The following KCNK16 variants were observed in gnomAD, a reference collection of about 807,000 sequenced individuals.
KCNK16 encodes the protein potassium channel subfamily K member 16.
In KCNK16, 23 loss-of-function variants were observed where a neutral mutation model predicts 23.0. That is an observed-to-expected ratio of 1.00 (90% CI 0.72 to 1.41). The LOEUF (loss-of-function observed/expected upper bound fraction) is 1.41, where lower values mean the gene tolerates loss of function less well. Ranked by LOEUF, KCNK16 falls within the 40% of genes most tolerant of loss-of-function variation. The pLI is 0.00. For synonymous variants in KCNK16, 145 were observed against 153.5 expected (o/e 0.94, Z 0.41); for missense variants, 327 against 365.8 (o/e 0.89, Z 0.87).
downstream of KCNK16, chr6:39,315,024 G>C (rs866810861): frequency 2.5e-5 from 40 of 1,607,770 alleles, no homozygotes; most frequent in Non-Finnish European, 3.4e-5. Context: ...TCCTTTCTTG[G>C]ATATGGGGAA....
chr6:39,321,270 C>T (rs1762507013), intron 1 of KCNK16, among the ~76,000 whole-genome samples: 1 of 152,190 alleles, frequency 6.6e-6, no homozygotes, highest in African/African-American at 2.4e-5. Flanking sequence ...TTGCATCCTG[C>T]CCCCAGCACT....
chr6:39,318,538 A>T (rs1434160849), intron 2 of KCNK16, among the ~76,000 whole-genome samples: 1 of 152,148 alleles, frequency 6.6e-6, no homozygotes, highest in African/African-American at 2.4e-5. Context: ...AACACATGAG[A>T]TACCACCTGA....
chr6:39,318,094 G>T, intron 2 of KCNK16, 142 bp from the exon 3 acceptor site: 1 of 767,366 alleles, frequency 1.3e-6, no homozygotes, highest in Non-Finnish European at 1.9e-6. Flanking sequence ...GAACTCTGCT[G>T]GAATGATTTT....
rs1562088506 is a variant in KCNK16 at position 39,316,787 on chromosome 6, A to T, written c.656T>A (p.Val219Asp). 1.2e-6 allele frequency: 2 copies of T among 1,613,730 alleles called. No homozygotes were observed. The highest frequency in any genetic ancestry group is 1.7e-6 in the Non-Finnish European group (2 of 1,179,894). ...TLSTIGFGDY[V>D]VGTDPSKHYI... ...TGTGACTGTTTTGTTCTCACCAACA[A>T]CATAGTCCCCAAAGCCAATGGTGCT... is the stretch of plus-strand genomic sequence containing the variant. The change falls in exon 4 of 5, where the codon GTT becomes GAT. Residue 219 changes from valine to aspartate, a missense_variant. By Grantham distance (152) the Val-to-Asp change is radical. Transcript: ENST00000437525.
rs750625612 is a variant in KCNK16, at chr6:39,322,397, C to A, written c.144G>T (p.Gln48His). 6.2e-6 allele frequency: 10 copies of A among 1,613,922 alleles called. No homozygotes were observed. Among genetic ancestry groups the A allele is most frequent in the Non-Finnish European group, 3.4e-6 (4 of 1,179,998 alleles). The stretch of plus-strand genomic sequence containing the variant: ...TCTCCAGGAAGCGCAGCTTCTCCAA[C>A]TGAAACTGGTCCCTGGACTGAGCCT... ...QAEAQSRDQF[Q>H]LEKLRFLENY... is the part of the protein sequence containing the mutation. Residue 48 changes from glutamine to histidine, a missense_variant, in exon 1 of 5, where the codon CAG becomes CAT. By Grantham distance (24) the Gln-to-His change is conservative. Coordinates refer to ENST00000437525, the MANE Select transcript of KCNK16 (RefSeq NM_001135106.2).
intron 1 of KCNK16, among the ~76,000 whole-genome samples, chr6:39,320,489 T>G (rs182581013): frequency 1.7e-4 from 26 of 152,308 alleles, no homozygotes; most frequent in Non-Finnish European, 2.9e-4. Flanking sequence ...AAGCAGTGTT[T>G]CGTCACAGAG....
At chr6:39,316,719 C>T in intron 4 of KCNK16, 63 bp downstream of exon 4, 1 of 1,558,330 alleles carries the variant, frequency 6.4e-7, no homozygotes, top group East Asian at 2.3e-5. Context: ...GCTGACATCT[C>T]TCCATCCCCC....
At chr6:39,317,330 T>G (rs1762355288) in intron 3 of KCNK16, among the ~76,000 whole-genome samples, 1 of 152,216 alleles carries the variant, frequency 6.6e-6, no homozygotes, top group Non-Finnish European at 1.5e-5. Context: ...CCTGCAGAGC[T>G]TGTTTGCTAC....
chr6:39,322,170 A>T (rs571547892), intron 1 of KCNK16, among the ~76,000 whole-genome samples, 158 bp downstream of exon 1: 1 of 152,290 alleles, frequency 6.6e-6, no homozygotes, highest in Non-Finnish European at 1.5e-5. Flanking sequence ...TGGGGCCAGA[A>T]TCCAGGATTA....
intron 4 of KCNK16, 68 bp from the exon 5 acceptor site, chr6:39,316,510 G>C (rs1240225796): frequency 6.6e-7 from 1 of 1,505,210 alleles, no homozygotes; most frequent in East Asian, 2.3e-5. Flanking sequence ...TTTCCATAGG[G>C]ACCCTCACCA....
intron 2 of KCNK16, among the ~76,000 whole-genome samples, chr6:39,318,318 T>C (rs998495238): frequency 2.6e-5 from 4 of 152,332 alleles, no homozygotes; most frequent in Non-Finnish European, 5.9e-5. Context: ...CCTTGCAGGC[T>C]GAGCCTGGGT....
chr6:39,318,932 C>T (rs780727778), intron 2 of KCNK16, 87 bp downstream of exon 2: 22 of 907,686 alleles, frequency 2.4e-5, no homozygotes, highest in Non-Finnish European at 4.0e-5. Context: ...CCTAGACAAA[C>T]CACATCCTTG....
At position 39,316,365 on chromosome 6, in the gene KCNK16, G is replaced by C; in HGVS notation, c.739C>G (p.Leu247Val). 6.2e-7 allele frequency: 1 copy of C among 1,612,776 alleles called. No homozygotes were observed. Among genetic ancestry groups the C allele is most frequent in the Non-Finnish European group, 8.5e-7 (1 of 1,179,642 alleles). ...GGGCCCAGTGGGAGGATCAGCGCCA[G>C]CCACGCCAGGCCCAGGAGGATCCAG... ...AIWILLGLAWLALILPLGPLL... is the reference protein window; with the variant it reads ...AIWILLGLAWVALILPLGPLL... Residue 247 changes from leucine to valine, a missense_variant, in exon 5 of 5, where the codon CTG becomes GTG. Coordinates refer to ENST00000437525, the MANE Select transcript of KCNK16 (RefSeq NM_001135106.2).
At chr6:39,315,043 G>A (rs767582088), downstream of KCNK16, 8 of 1,613,604 alleles carry the variant, frequency 5.0e-6, no homozygotes, top group East Asian at 6.7e-5. Context: ...AAGTCCTGGG[G>A]TGTGACTTGG....
rs1457806449 is a variant in KCNK16 at position 39,316,833 on chromosome 6, A to AG, written c.609dup (p.Tyr204LeufsTer66). The AG allele has an allele frequency of 1.9e-6, 3 of 1,614,048 alleles. No individual in the cohort carries two copies. Among genetic ancestry groups the AG allele is most frequent in the Non-Finnish European group, 2.5e-6 (3 of 1,180,022 alleles). ...GTGCTGAGAGTGATGAAAGCAAAGT[A>AG]GAAGCCCTCGCTGAAGCTCCAGCCC... On this transcript the variant is annotated frameshift_variant, in exon 4 of 5. Coordinates refer to ENST00000437525, the MANE Select transcript of KCNK16 (RefSeq NM_001135106.2). LOFTEE classifies it high-confidence loss of function.
At position 39,319,744 on chromosome 6, in the gene KCNK16, TGA is replaced by T. The variant is rs1320060691; in HGVS notation, c.214-613_214-612del. Among the ~76,000 whole-genome samples the T allele has an allele frequency of 8.2e-6, 1 of 122,490 alleles. No individual in the cohort carries two copies. The highest frequency in any genetic ancestry group is 1.7e-5 in the Non-Finnish European group (1 of 59,622). 80.4% of individuals were successfully genotyped at this position (122,490 alleles called of 152,430 possible). On this transcript the variant is annotated intron_variant, in intron 1 of 4. Coordinates refer to ENST00000437525, the MANE Select transcript of KCNK16 (RefSeq NM_001135106.2). The surrounding 1 kb of genome is among the most constrained non-coding windows in gnomAD (Gnocchi z 4.2). ...GAGGCCAAGACAAAGGTGGCACGTG[TGA>T]GTGTGTGTGTGTGTGTGTGTGTGTG... is the stretch of plus-strand genomic sequence containing the variant.
upstream of KCNK16, chr6:39,322,809 T>G: frequency 2.1e-6 from 1 of 467,314 alleles, no homozygotes; most frequent in Non-Finnish European, 3.8e-6. Context: ...TCAGGGACCC[T>G]TCAAAGAGAC....
intron 4 of KCNK16, 121 bp downstream of exon 4, chr6:39,316,661 G>T: frequency 7.8e-7 from 1 of 1,280,746 alleles, no homozygotes; most frequent in Non-Finnish European, 1.1e-6. Context: ...CATTGGTTTG[G>T]CTCCCTTGAA....
At chr6:39,314,756 C>T (rs755866279), downstream of KCNK16, 11 of 497,368 alleles carry the variant, frequency 2.2e-5, no homozygotes, top group Admixed American at 3.7e-5. Context: ...TTCTTGGACT[C>T]GGGGGCTATC....
Sources: gnomAD v4.1 joint callset for allele counts (sites outside exome capture counted in the v4.1 genomes callset) on GRCh38, gnomAD v4.1.1 for gene constraint, Gnocchi (gnomAD v3.1) non-coding constraint, MANE v1.5 for transcripts, NCBI Gene and HGNC (gene_info 2026-07-23, HGNC 2026-07-21) for gene names.